The following ZMIZ1 variants were observed in gnomAD, a reference collection of about 807,000 sequenced individuals.
The protein encoded by ZMIZ1 is zinc finger MIZ-type containing 1.
Under a neutral mutation model 113.9 loss-of-function variants are expected in ZMIZ1, and 17 were observed. That is an observed-to-expected ratio of 0.15 (90% confidence interval 0.10 to 0.22). The LOEUF is 0.22. ZMIZ1 is among the 10% of genes least tolerant of loss of function. The pLI, the probability that ZMIZ1 is intolerant of heterozygous loss-of-function variation, is 1.00. For synonymous variants in ZMIZ1, 607 were observed against 603.1 expected (o/e 1.01, Z -0.09); for missense variants, 1,059 against 1,477.8 (o/e 0.72, Z 4.65).
Position 79,293,598 on chromosome 10 carries a change from G to A in ZMIZ1, c.1175G>A (p.Gly392Asp). The A allele has an allele frequency of 3.1e-6, 5 of 1,613,108 alleles. No homozygotes were observed. Among genetic ancestry groups the A allele is most frequent in the Non-Finnish European group, 4.2e-6 (5 of 1,180,016 alleles). ...GQRMPQQTYPGPRPQSLPIQN... is the reference protein window; with the variant it reads ...GQRMPQQTYPDPRPQSLPIQN... ...CGGATGCCCCAGCAGACCTACCCGG[G>A]CCCCCGGCCCCAGTCCCTTCCTATT... The change falls in exon 12 of 25, where the codon GGC becomes GAC. Residue 392 changes from glycine (G) to aspartate (D), a missense_variant. Gly to Asp is a moderately conservative substitution (Grantham distance 94). Around this residue, in one of 6 missense-constraint regions of ZMIZ1, gnomAD observed 239 missense variants for 247.5 expected, o/e 0.97. Coordinates refer to ENST00000334512, the MANE Select transcript of ZMIZ1 (RefSeq NM_020338.4).
chr10:79,199,992 C>T (rs564736374), intron 4 of ZMIZ1, among the ~76,000 whole-genome samples: 117 of 152,252 alleles, frequency 7.7e-4, no homozygotes, highest in African/African-American at 2.5e-3. Flanking sequence ...CCACCAGCTG[C>T]GAGGACTTGG....
At chr10:79,284,384 TGAAGG>T (rs1852928850) in intron 8 of ZMIZ1, among the ~76,000 whole-genome samples, 1 of 152,110 alleles carries the variant, frequency 6.6e-6, no homozygotes, top group Middle Eastern at 3.4e-3. Flanking sequence ...TGCTGGCTGG[TGAAGG>T]GAAGGCAGAA....
At position 79,136,307 on chromosome 10, in the gene ZMIZ1, C is replaced by T. The variant is rs1334289870; in HGVS notation, c.-226-3375C>T. Among the ~76,000 whole-genome samples, 3 of 152,244 alleles carry T rather than the reference C, an allele frequency of 2.0e-5. No homozygotes were observed. In the East Asian group the frequency reaches 5.8e-4, roughly 29 times the overall value. ...TCCTTGGGGCAGGCCCAGCTCGTCT[C>T]TAGGACCCCCCAGCCTGTCCCAGGA... On this transcript the variant is annotated intron_variant, in intron 2 of 24. Transcript: ENST00000334512.
At chr10:79,097,374 T>C (rs892618513) in intron 1 of ZMIZ1, among the ~76,000 whole-genome samples, 2 of 152,150 alleles carry the variant, frequency 1.3e-5, no homozygotes, top group African/African-American at 4.8e-5. Context: ...CCTGCTGTCA[T>C]AGAGGGCAGA....
chr10:79,089,826 A>C (rs1331862665), intron 1 of ZMIZ1, among the ~76,000 whole-genome samples: 2 of 146,490 alleles, frequency 1.4e-5, no homozygotes, highest in African/African-American at 5.0e-5. Context: ...CTTTTTACCC[A>C]GGCACATGTC....
At position 79,080,098 on chromosome 10, in the gene ZMIZ1, C is replaced by T. The variant is rs547989997; in HGVS notation, c.-337+10828C>T. ...GCTGGCCGGCCACTCTGTAATTGTG[C>T]ATGAGTCACTCTGCCTCCCTGCTCG... On this transcript the variant is annotated intron_variant, in intron 1 of 24. Transcript: ENST00000334512. 3.5e-4 allele frequency among the ~76,000 whole-genome samples: 53 copies of T among 152,282 alleles called. 1 individual carries two copies. In the South Asian group the frequency reaches 8.9e-3, roughly 26 times the overall value.
At chr10:79,220,322 C>G (rs1463289843) in intron 7 of ZMIZ1, among the ~76,000 whole-genome samples, 1 of 152,206 alleles carries the variant, frequency 6.6e-6, no homozygotes, top group African/African-American at 2.4e-5. Flanking sequence ...TGATGTGGTT[C>G]CCAGCCTCTC....
At chr10:79,078,703 C>T (rs1842559502) in intron 1 of ZMIZ1, among the ~76,000 whole-genome samples, 1 of 135,426 alleles carries the variant, frequency 7.4e-6, no homozygotes. Flanking sequence ...CGCACCCATG[C>T]CCAGCTAATT....
chr10:79,134,584 C>T (rs72816256), intron 2 of ZMIZ1, among the ~76,000 whole-genome samples: 4,016 of 152,316 alleles, frequency 0.026, 58 homozygotes, highest in Middle Eastern at 0.071. Flanking sequence ...CCCCACGGCA[C>T]CCTGACTGCA....
intron 4 of ZMIZ1, among the ~76,000 whole-genome samples, chr10:79,173,658 C>G (rs1846698689): frequency 6.6e-6 from 1 of 152,186 alleles, no homozygotes; most frequent in Admixed American, 6.5e-5. Context: ...ACTATGTTAT[C>G]CTGTAGAGTG....
intron 7 of ZMIZ1, among the ~76,000 whole-genome samples, chr10:79,276,398 TG>T (rs1852292701): frequency 6.6e-6 from 1 of 152,100 alleles, no homozygotes; most frequent in Non-Finnish European, 1.5e-5. Flanking sequence ...TGAAAGAAAA[TG>T]GAAGTTTTCC....
At chr10:79,224,710 C>T (rs890818149) in intron 7 of ZMIZ1, among the ~76,000 whole-genome samples, 4 of 152,134 alleles carry the variant, frequency 2.6e-5, no homozygotes, top group Admixed American at 1.3e-4. Context: ...TAGGCATTAA[C>T]GAGGTCTGTA....
chr10:79,273,084 G>A (rs1852049249), intron 7 of ZMIZ1, among the ~76,000 whole-genome samples: 1 of 152,194 alleles, frequency 6.6e-6, no homozygotes, highest in Non-Finnish European at 1.5e-5. Context: ...GGGGGAGAGG[G>A]GATTTGTTTA....
In ZMIZ1 at chr10:79,312,846, C is replaced by A; in HGVS notation, c.*97C>A. The A allele has an allele frequency of 8.6e-7, 1 of 1,166,752 alleles. No individual in the cohort carries two copies. The highest frequency in any genetic ancestry group is 2.4e-5 in the East Asian group (1 of 42,438). 72.3% of individuals were successfully genotyped at this position (1,166,752 alleles called of 1,614,324 possible). ...GGGAGCCTGTGCCCTCAGACCGCCC[C>A]GCACCAGAGCCACGGGCTGTGGGGC... On this transcript the variant is annotated 3_prime_UTR_variant, in exon 25 of 25. Coordinates refer to ENST00000334512, the MANE Select transcript of ZMIZ1 (RefSeq NM_020338.4).
Position 79,296,557 on chromosome 10 carries a change from A to T in ZMIZ1, c.1317A>T (p.Pro439=), listed in dbSNP as rs1036853428. Residue 439 remains proline, a synonymous_variant, in exon 13 of 25, where the codon CCA becomes CCT. Coordinates refer to ENST00000334512, the MANE Select transcript of ZMIZ1 (RefSeq NM_020338.4). The surrounding 1 kb of genome is among the most constrained non-coding windows in gnomAD (Gnocchi z 4.1). ...ACCCAGCCCCCAACCCCCCGAGGCC[A>T]CTCACCTCCCCCAACTACCCAGGAC... The part of the protein sequence containing the change: ...GQYPAPNPPR[P]LTSPNYPGQR... 2.1e-6 allele frequency: 3 copies of T among 1,440,536 alleles called. No individual in the cohort carries two copies. The highest frequency in any genetic ancestry group is 2.8e-6 in the Non-Finnish European group (3 of 1,078,444). The allele number at this position is 1,440,536 out of a possible 1,614,324, so 89.2% of individuals were successfully genotyped here.
intron 1 of ZMIZ1, among the ~76,000 whole-genome samples, chr10:79,087,672 A>C (rs1007733806): frequency 6.6e-6 from 1 of 152,210 alleles, no homozygotes; most frequent in Admixed American, 6.5e-5. Context: ...GTGCCTCTCT[A>C]CGATCTACAA....
chr10:79,170,834 C>G (rs1362883267), intron 4 of ZMIZ1, among the ~76,000 whole-genome samples: 1 of 152,136 alleles, frequency 6.6e-6, no homozygotes, highest in East Asian at 1.9e-4. Context: ...AATCTGGTCT[C>G]TGGGCCAACC....
At chr10:79,251,927 C>T (rs764487775) in intron 7 of ZMIZ1, among the ~76,000 whole-genome samples, 11 of 152,154 alleles carry the variant, frequency 7.2e-5, no homozygotes, top group African/African-American at 1.4e-4. Context: ...CAGCCTTGAC[C>T]GTTGGGTCCT....
Position 79,214,681 on chromosome 10 carries a change from G to A in ZMIZ1, c.175-1488G>A, listed in dbSNP as rs934348841. Among the ~76,000 whole-genome samples the A allele has an allele frequency of 1.1e-4, 16 of 152,198 alleles. 1 individual carries two copies. The highest frequency in any genetic ancestry group is 2.2e-4 in the Non-Finnish European group (15 of 68,038). ...CCTCCAGGCGCCTCTGGAGCAGGTG[G>A]TTCCTGGGGGCTTGGCAGCAGAGTC... On this transcript the variant is annotated intron_variant, in intron 6 of 24. Transcript: ENST00000334512.
Sources: gnomAD v4.1 joint callset for allele counts (sites outside exome capture counted in the v4.1 genomes callset) on GRCh38, gnomAD v4.1.1 for gene constraint, gnomAD v4.1.1 regional missense constraint, Gnocchi (gnomAD v3.1) non-coding constraint, MANE v1.5 for transcripts, NCBI Gene and HGNC (gene_info 2026-07-23, HGNC 2026-07-21) for gene names.